Variants in PTPRT observed in about 807,000 individuals in gnomAD.
The protein encoded by PTPRT is protein tyrosine phosphatase receptor type T, also known as receptor-type tyrosine-protein phosphatase T.
In PTPRT, 56 loss-of-function variants were observed where a neutral mutation model predicts 176.8. The ratio of observed to expected loss-of-function variants is 0.32; its 90% CI spans 0.26 to 0.40. The LOEUF (loss-of-function observed/expected upper bound fraction) is 0.40, where lower values mean the gene tolerates loss of function less well. PTPRT is among the 10% of genes least tolerant of loss of function. PTPRT has a pLI of 1.00. For synonymous variants in PTPRT, 783 were observed against 739.0 expected, an observed-to-expected ratio of 1.06 and a Z score of -0.96; for missense variants, 1,540 against 1,908.2, an observed-to-expected ratio of 0.81 and a Z score of 3.60.
At chr20:42,330,130 T>C (rs1156429567) in intron 11 of PTPRT, among the ~76,000 whole-genome samples, 1 of 152,180 alleles carries the variant, frequency 6.6e-6, no homozygotes, top group East Asian at 1.9e-4. Flanking sequence ...AAAGTATAAT[T>C]TCAATCAGTC....
At chr20:43,114,653 T>C (rs146498031) in intron 1 of PTPRT, among the ~76,000 whole-genome samples, 1 of 152,334 alleles carries the variant, frequency 6.6e-6, no homozygotes, top group African/African-American at 2.4e-5. Context: ...AGAGAACATT[T>C]GGCCACTGTA....
At chr20:42,872,129 G>C (rs2078856162) in intron 2 of PTPRT, among the ~76,000 whole-genome samples, 1 of 152,214 alleles carries the variant, frequency 6.6e-6, no homozygotes, top group African/African-American at 2.4e-5. Context: ...AAAAGATATT[G>C]GCAGATTTGA....
At chr20:42,984,825 A>G (rs1983480385) in intron 1 of PTPRT, among the ~76,000 whole-genome samples, 2 of 152,272 alleles carry the variant, frequency 1.3e-5, no homozygotes, top group Admixed American at 1.3e-4. Flanking sequence ...CAAAGAGTTC[A>G]AGAAAGACTC....
the PTPRT span, among the ~76,000 whole-genome samples, chr20:42,034,821 G>T: frequency 9.3e-4 from 141 of 152,266 alleles, 1 homozygote; most frequent in African/African-American, 3.1e-3. Context: ...CATCTGGTTT[G>T]CTTCTACTCA....
intron 1 of PTPRT, among the ~76,000 whole-genome samples, chr20:43,020,178 T>C (rs1282130697): frequency 6.8e-6 from 1 of 147,430 alleles, no homozygotes; most frequent in African/African-American, 2.5e-5. Context: ...CTCTATATAA[T>C]TACATATATA....
At chr20:42,660,203 A>G (rs905839943) in intron 7 of PTPRT, among the ~76,000 whole-genome samples, 7 of 152,134 alleles carry the variant, frequency 4.6e-5, no homozygotes, top group African/African-American at 1.7e-4. Flanking sequence ...AATTTCCCTA[A>G]CAGGGTGTCT....
chr20:42,577,969 GTA>G (rs1491061274), intron 7 of PTPRT, among the ~76,000 whole-genome samples: 9 of 140,300 alleles, frequency 6.4e-5, no homozygotes, highest in Non-Finnish European at 9.1e-5. Flanking sequence ...GTGTGTGTGT[GTA>G]GGCATACCCA....
chr20:42,714,084 C>T (rs2076187507), intron 6 of PTPRT, among the ~76,000 whole-genome samples: 1 of 152,180 alleles, frequency 6.6e-6, no homozygotes, highest in Non-Finnish European at 1.5e-5. Context: ...CTAGGTAGGG[C>T]TCTCATTTCC....
At chr20:43,067,374 A>G (rs570633472) in intron 1 of PTPRT, among the ~76,000 whole-genome samples, 1 of 152,308 alleles carries the variant, frequency 6.6e-6, no homozygotes, top group East Asian at 1.9e-4. Flanking sequence ...TTAGGGTAAT[A>G]AAAGGTTTTG....
chr20:42,398,279 G>T (rs2058870948), intron 9 of PTPRT, among the ~76,000 whole-genome samples: 1 of 152,090 alleles, frequency 6.6e-6, no homozygotes, highest in African/African-American at 2.4e-5. Context: ...AAATTAAAAT[G>T]GTATGGGTTT....
chr20:42,243,662 G>A (rs546141339), intron 14 of PTPRT, among the ~76,000 whole-genome samples: 3 of 152,166 alleles, frequency 2.0e-5, no homozygotes, highest in Non-Finnish European at 2.9e-5. Flanking sequence ...TGAGTCACAT[G>A]TTTCTTAGTC....
intron 27 of PTPRT, among the ~76,000 whole-genome samples, chr20:42,092,086 A>G (rs1003324125): frequency 6.6e-6 from 1 of 152,142 alleles, no homozygotes; most frequent in African/African-American, 2.4e-5. Context: ...GAGAGGGTGG[A>G]AGAGCTGAGA....
At position 42,713,471 on chromosome 20, in the gene PTPRT, C is replaced by T. The variant is rs117784054; in HGVS notation, c.860-35312G>A. The stretch of plus-strand genomic sequence containing the variant: ...TTCTCATGGGCAAAATTTTTCTCTT[C>T]TCTATTCCCAGTATACATTGTATTA... On this transcript the variant is annotated intron_variant, in intron 6 of 30. Transcript: ENST00000373187. Among the ~76,000 whole-genome samples, 708 of 152,260 alleles carry T rather than the reference C, an allele frequency of 4.6e-3. 14 individuals are homozygous for T. Among genetic ancestry groups the T allele is most frequent in the Admixed American group, 0.035 (534 of 15,300 alleles).
At chr20:42,269,287 A>T (rs2146994235) in intron 13 of PTPRT, among the ~76,000 whole-genome samples, 1 of 152,328 alleles carries the variant, frequency 6.6e-6, no homozygotes, top group East Asian at 1.9e-4. Context: ...TTTGGGAAAC[A>T]GGGTGGCAGG....
At chr20:42,571,305 AGAAGAG>A (rs2145688061) in intron 7 of PTPRT, among the ~76,000 whole-genome samples, 1 of 152,324 alleles carries the variant, frequency 6.6e-6, no homozygotes, top group East Asian at 1.9e-4. Context: ...AGAAGGATAG[AGAAGAG>A]GAAGAGAGTT....
intron 13 of PTPRT, among the ~76,000 whole-genome samples, chr20:42,280,020 C>A (rs570633621): frequency 6.6e-6 from 1 of 152,212 alleles, no homozygotes; most frequent in African/African-American, 2.4e-5. Flanking sequence ...ATCTCTGGGA[C>A]TTCATATGCT....
chr20:42,057,650 G>T, the PTPRT span, among the ~76,000 whole-genome samples: 1 of 152,174 alleles, frequency 6.6e-6, no homozygotes, highest in South Asian at 2.1e-4. Context: ...ATGTAGTGGT[G>T]CAATTATAGC....
At chr20:42,356,210 G>A (rs2058356261) in intron 9 of PTPRT, among the ~76,000 whole-genome samples, 1 of 152,102 alleles carries the variant, frequency 6.6e-6, no homozygotes, top group Non-Finnish European at 1.5e-5. Flanking sequence ...TTTATAAGCG[G>A]GGAAAACGGA....
At chr20:42,959,627 G>C (rs1981872910) in intron 1 of PTPRT, among the ~76,000 whole-genome samples, 1 of 151,716 alleles carries the variant, frequency 6.6e-6, no homozygotes, top group South Asian at 2.1e-4. Context: ...GGGACAACTG[G>C]AAAAAAAATA....
Sources: allele counts gnomAD v4.1 joint callset (sites outside exome capture counted in the v4.1 genomes callset), GRCh38; gene constraint gnomAD v4.1.1; transcripts MANE v1.5; gene names NCBI Gene and HGNC (gene_info 2026-07-23, HGNC 2026-07-21).